TAFA1: variants seen among roughly 807,000 people sequenced by gnomAD.
The protein encoded by TAFA1 is chemokine-like protein TAFA-1.
A neutral mutation model predicts 18.5 loss-of-function variants in TAFA1; 4 were observed. The ratio of observed to expected loss-of-function variants is 0.22; its 90% CI spans 0.11 to 0.49. The LOEUF (loss-of-function observed/expected upper bound fraction) is 0.49, where lower values mean the gene tolerates loss of function less well. TAFA1 is among the 20% of genes least tolerant of loss of function. The probability of loss-of-function intolerance (pLI) is 0.98; values close to 1 mark genes in which losing one functional copy is unlikely to be tolerated. For synonymous variants in TAFA1, 56 were observed against 55.2 expected (o/e 1.01, Z -0.06); for missense variants, 147 against 169.0 (o/e 0.87, Z 0.72).
intron 2 of TAFA1, among the ~76,000 whole-genome samples, chr3:68,381,506 G>C (rs368421528): frequency 4.3e-4 from 66 of 152,122 alleles, no homozygotes; most frequent in African/African-American, 9.4e-4. Context: ...AGTTGGATTC[G>C]CAGGTATTTT....
intron 3 of TAFA1, among the ~76,000 whole-genome samples, chr3:68,526,695 G>A (rs2073115690): frequency 6.6e-6 from 1 of 151,998 alleles, no homozygotes; most frequent in African/African-American, 2.4e-5. Context: ...CTGGGGAAAT[G>A]TTTGTATATA....
At chr3:68,435,054 C>G (rs990004971) in intron 3 of TAFA1, among the ~76,000 whole-genome samples, 1 of 152,034 alleles carries the variant, frequency 6.6e-6, no homozygotes, top group South Asian at 2.1e-4. Flanking sequence ...GATGTGTGCT[C>G]TGATGGAGAT....
intron 2 of TAFA1, among the ~76,000 whole-genome samples, chr3:68,154,068 A>G (rs1432384849): frequency 6.6e-6 from 1 of 152,102 alleles, no homozygotes; most frequent in Non-Finnish European, 1.5e-5. Flanking sequence ...TAGCAAATTA[A>G]TTTCTTAGTG....
chr3:68,087,906 T>C lies in TAFA1; in HGVS notation c.118+81162T>C, dbSNP rs375208501. Among the ~76,000 whole-genome samples the C allele has an allele frequency of 3.7e-4, 56 of 152,314 alleles. No individual in the cohort carries two copies. The East Asian group carries it at 8.1e-3, about 22-fold the overall frequency. On this transcript the variant is annotated intron_variant, in intron 2 of 4. Transcript: ENST00000478136. ...CATTTCTGTATAAACATTATTTACTTATTTATTTATTCATTCAATAAACAT... is the reference window on the plus strand; with the variant it reads ...CATTTCTGTATAAACATTATTTACTCATTTATTTATTCATTCAATAAACAT...
rs373346952 is a variant in TAFA1 at position 68,006,686 on chromosome 3, G to A, written c.60G>A (p.Met20Ile). 89 of 1,613,940 alleles carry A rather than the reference G, an allele frequency of 5.5e-5. No homozygotes were observed. The highest frequency in any genetic ancestry group is 7.4e-5 in the Non-Finnish European group (87 of 1,179,916). ...VLYLWISACA[M>I]LLCHGSLQHT... ...ATTTGTGGATAAGTGCTTGTGCAAT[G>A]CTACTCTGCCATGGATCCCTTCAGC... The change falls in exon 2 of 5, where the codon ATG (methionine) becomes ATA (isoleucine). Residue 20 changes from methionine to isoleucine, a missense_variant. Coordinates refer to ENST00000478136, the MANE Select transcript of TAFA1 (RefSeq NM_213609.4).
intron 2 of TAFA1, among the ~76,000 whole-genome samples, chr3:68,296,879 A>C (rs1235674706): frequency 6.6e-6 from 1 of 152,200 alleles, no homozygotes. Context: ...AGTAAATAGC[A>C]CATAAAGGTG....
At chr3:68,219,143 G>T (rs186923514) in intron 2 of TAFA1, among the ~76,000 whole-genome samples, 6 of 151,760 alleles carry the variant, frequency 4.0e-5, no homozygotes, top group African/African-American at 7.2e-5. Flanking sequence ...TTTATCACTA[G>T]GGAAATATGG....
At chr3:68,371,251 G>A (rs921944466) in intron 2 of TAFA1, among the ~76,000 whole-genome samples, 2 of 151,914 alleles carry the variant, frequency 1.3e-5, no homozygotes, top group Non-Finnish European at 2.9e-5. Context: ...GAATACATGT[G>A]CAGAACGTGA....
At chr3:68,394,621 A>G (rs911902155) in intron 2 of TAFA1, among the ~76,000 whole-genome samples, 2 of 152,152 alleles carry the variant, frequency 1.3e-5, no homozygotes, top group Admixed American at 1.3e-4. Context: ...GACCAGTGGA[A>G]CAGAACAGAG....
At chr3:68,110,136 C>T (rs930183238) in intron 2 of TAFA1, among the ~76,000 whole-genome samples, 5 of 152,156 alleles carry the variant, frequency 3.3e-5, no homozygotes, top group African/African-American at 1.2e-4. Context: ...CCCAACTCCT[C>T]CCTCCAACAG....
chr3:68,447,474 C>A (rs879077179), intron 3 of TAFA1, among the ~76,000 whole-genome samples: 3 of 152,142 alleles, frequency 2.0e-5, no homozygotes, highest in Admixed American at 6.6e-5. Flanking sequence ...CCACTCATTC[C>A]CCCAGTGAAC....
At chr3:68,524,594 C>G (rs975143924) in intron 3 of TAFA1, among the ~76,000 whole-genome samples, 1 of 152,276 alleles carries the variant, frequency 6.6e-6, no homozygotes, top group East Asian at 1.9e-4. Context: ...CCACAAGATT[C>G]CCCATCTCCC....
intron 2 of TAFA1, among the ~76,000 whole-genome samples, chr3:68,264,018 A>T (rs2107206912): frequency 6.6e-6 from 1 of 152,286 alleles, no homozygotes; most frequent in East Asian, 1.9e-4. Context: ...GAGGCTGGGC[A>T]CAGTGGCTCA....
At chr3:68,314,565 G>A (rs2068575733) in intron 2 of TAFA1, among the ~76,000 whole-genome samples, 1 of 152,116 alleles carries the variant, frequency 6.6e-6, no homozygotes, top group South Asian at 2.1e-4. Flanking sequence ...TCACTATATA[G>A]TACACATATT....
chr3:68,461,377 A>ATATATATATATATATATATATATATG (rs1337466211), intron 3 of TAFA1, among the ~76,000 whole-genome samples: 90 of 141,986 alleles, frequency 6.3e-4, no homozygotes, highest in African/African-American at 2.3e-3. Context: ...ATATATATAT[A>ATATATATATATATATATATATATATG]TATGTATGTA....
At chr3:68,451,904 C>T (rs1035592230) in intron 3 of TAFA1, among the ~76,000 whole-genome samples, 9 of 152,154 alleles carry the variant, frequency 5.9e-5, no homozygotes, top group East Asian at 3.9e-4. Flanking sequence ...GGAGACCATA[C>T]ATTTAATGTG....
At chr3:68,287,144 A>G (rs904340907) in intron 2 of TAFA1, among the ~76,000 whole-genome samples, 3 of 152,110 alleles carry the variant, frequency 2.0e-5, no homozygotes, top group Non-Finnish European at 2.9e-5. Flanking sequence ...GCCCTCAGTT[A>G]ATTTACTTTC....
At chr3:68,217,367 T>C (rs2066672564) in intron 2 of TAFA1, among the ~76,000 whole-genome samples, 1 of 151,928 alleles carries the variant, frequency 6.6e-6, no homozygotes, top group Non-Finnish European at 1.5e-5. Context: ...TGAGCAATGT[T>C]CTATAAGTTA....
intron 3 of TAFA1, among the ~76,000 whole-genome samples, chr3:68,521,177 C>T (rs2073015957): frequency 6.6e-6 from 1 of 152,154 alleles, no homozygotes; most frequent in African/African-American, 2.4e-5. Flanking sequence ...ACTTAAGGAC[C>T]AGGCCAGCAG....
Sources: allele counts gnomAD v4.1 joint callset (sites outside exome capture counted in the v4.1 genomes callset), GRCh38; gene constraint gnomAD v4.1.1; transcripts MANE v1.5; gene names NCBI Gene and HGNC (gene_info 2026-07-23, HGNC 2026-07-21).